SLC5A11: variants seen among roughly 807,000 people sequenced by gnomAD.
The protein encoded by SLC5A11 is sodium/myo-inositol cotransporter 2.
In SLC5A11, 48 loss-of-function variants were observed where a neutral mutation model predicts 69.8. The observed-to-expected ratio is 0.69, with a 90% confidence interval of 0.55 to 0.87. The LOEUF is 0.87. Ranked by LOEUF, SLC5A11 falls within the 40% of genes least tolerant of loss-of-function variation. The pLI is 0.00. For missense variants in SLC5A11, 784 were observed against 866.1 expected (o/e 0.91, Z 1.19); for synonymous variants, 319 against 342.4 (o/e 0.93, Z 0.75).
At chr16:24,870,056 T>C (rs1296672098) in intron 4 of SLC5A11, 51 bp downstream of exon 5, 11 of 1,317,398 alleles carry the variant, frequency 8.3e-6, no homozygotes, top group Middle Eastern at 1.8e-4. Context: ...ACCTAACAGG[T>C]AGATCTCAGG....
At chr16:24,897,866 CACA>C in intron 9 of SLC5A11, 105 bp from the exon 11 acceptor site, 1 of 1,447,976 alleles carries the variant, frequency 6.9e-7, no homozygotes, top group African/African-American at 1.4e-5. Flanking sequence ...GACTCCCTCC[CACA>C]ACATGTGGGA....
chr16:24,905,269 CAAAAAAAAA>C (rs34703027), intron 10 of SLC5A11, among the ~76,000 whole-genome samples: 8 of 80,408 alleles, frequency 9.9e-5, no homozygotes, highest in African/African-American at 4.1e-4. Flanking sequence ...ACTAAAAATA[CAAAAAAAAA>C]AAAAAAAAAA....
rs1352189733 is a variant in SLC5A11, at chr16:24,906,765, G to T, written c.1114+1G>T. The T allele has an allele frequency of 1.2e-6, 2 of 1,609,670 alleles. No individual in the cohort carries two copies. The highest frequency in any genetic ancestry group is 1.7e-5 in the Admixed American group (1 of 59,738). ...CTCGTGCTGGAACTCCTGCCCACAG[G>T]TAATGTCCCTTCACTCCTGAATCAA... On this transcript the variant is annotated splice_donor_variant, in intron 11 of 15. Transcript: ENST00000347898. LOFTEE classifies it high-confidence loss of function.
At chr16:24,881,763 C>T (rs1270182502) in intron 7 of SLC5A11, among the ~76,000 whole-genome samples, 2 of 152,032 alleles carry the variant, frequency 1.3e-5, no homozygotes, top group Non-Finnish European at 2.9e-5. Context: ...TAGGCTGTGC[C>T]CTATTCCACT....
At chr16:24,870,442 A>AACCACAC (rs1555523057) in intron 4 of SLC5A11, among the ~76,000 whole-genome samples, 2 of 140,556 alleles carry the variant, frequency 1.4e-5, no homozygotes, top group African/African-American at 5.3e-5. Flanking sequence ...AACAAAAAAA[A>AACCACAC]ACACACACAC....
At chr16:24,908,561 G>A (rs934925334) in intron 13 of SLC5A11, among the ~76,000 whole-genome samples, 6 of 127,316 alleles carry the variant, frequency 4.7e-5, no homozygotes, top group Non-Finnish European at 9.3e-5. Flanking sequence ...CCACGCCACT[G>A]CACTCCAGCC....
chr16:24,889,931 T>G (rs369667698), intron 8 of SLC5A11, among the ~76,000 whole-genome samples: 49 of 152,292 alleles, frequency 3.2e-4, no homozygotes, highest in African/African-American at 1.1e-3. Context: ...TTGATTTCTT[T>G]GCAATCCTAT....
At chr16:24,870,442 A>ACCAC (rs71156449) in intron 4 of SLC5A11, among the ~76,000 whole-genome samples, 4,182 of 140,574 alleles carry the variant, frequency 0.03, 212 homozygotes, top group African/African-American at 0.1. Context: ...AACAAAAAAA[A>ACCAC]ACACACACAC....
intron 10 of SLC5A11, among the ~76,000 whole-genome samples, chr16:24,903,439 A>G (rs1028887494): frequency 6.6e-6 from 1 of 152,162 alleles, no homozygotes; most frequent in African/African-American, 2.4e-5. Context: ...ATAGAACACT[A>G]CACATTATTC....
At chr16:24,908,029 C>T (rs751931480) in exon 13 of SLC5A11, 13 of 1,613,596 alleles carry the variant, frequency 8.1e-6, no homozygotes, top group Admixed American at 5.0e-5. Context: ...CCAGCCAGGG[C>T]GGCCAGCTCT....
chr16:24,904,327 A>G (rs1452064490), intron 10 of SLC5A11, among the ~76,000 whole-genome samples: 1 of 152,212 alleles, frequency 6.6e-6, no homozygotes, highest in Non-Finnish European at 1.5e-5. Context: ...AGGAACCTCC[A>G]TAGTTTTCCA....
At chr16:24,858,561 A>C in intron 1 of SLC5A11, 59 bp from the exon 3 acceptor site, 1 of 1,492,610 alleles carries the variant, frequency 6.7e-7, no homozygotes, top group Non-Finnish European at 9.0e-7. Context: ...GTAGCTACAG[A>C]AAGGGTGAGA....
intron 7 of SLC5A11, among the ~76,000 whole-genome samples, chr16:24,882,069 C>T (rs2048084566): frequency 6.6e-6 from 1 of 152,148 alleles, no homozygotes. Context: ...GGAGGGCAGG[C>T]TGCCATAGCT....
chr16:24,896,087 C>T (rs2049145333), intron 9 of SLC5A11, among the ~76,000 whole-genome samples: 1 of 146,768 alleles, frequency 6.8e-6, no homozygotes, highest in Non-Finnish European at 1.5e-5. Flanking sequence ...GGCGTGGTGG[C>T]TCACGCCTAT....
chr16:24,856,373 C>T (rs1231563184), intron 1 of SLC5A11, among the ~76,000 whole-genome samples: 1 of 151,960 alleles, frequency 6.6e-6, no homozygotes, highest in Non-Finnish European at 1.5e-5. Context: ...CTGGTAATCC[C>T]AGCACTTTGG....
At chr16:24,894,744 GA>G (rs1375974584) in intron 9 of SLC5A11, among the ~76,000 whole-genome samples, 2 of 151,806 alleles carry the variant, frequency 1.3e-5, no homozygotes, top group East Asian at 3.9e-4. Flanking sequence ...AGCTTGCAGT[GA>G]ACCCGGATCG....
chr16:24,879,736 C>A (rs549876475), intron 7 of SLC5A11, among the ~76,000 whole-genome samples: 61 of 152,276 alleles, frequency 4.0e-4, no homozygotes, highest in African/African-American at 1.5e-3. Context: ...CAGAGCAAGA[C>A]CCCATCTCAA....
intron 1 of SLC5A11, among the ~76,000 whole-genome samples, chr16:24,851,343 T>C (rs1392202033): frequency 6.6e-6 from 1 of 150,598 alleles, no homozygotes; most frequent in African/African-American, 2.4e-5. Context: ...TGAAACCCCA[T>C]GTCTACTAAA....
chr16:24,891,584 A>G (rs2048814298), intron 9 of SLC5A11, among the ~76,000 whole-genome samples: 1 of 152,088 alleles, frequency 6.6e-6, no homozygotes, highest in Admixed American at 6.6e-5. Context: ...TCAGCCTCCC[A>G]AAGTGCTGGG....
Sources: allele counts gnomAD v4.1 joint callset (sites outside exome capture counted in the v4.1 genomes callset), GRCh38; gene constraint gnomAD v4.1.1; transcripts MANE v1.5; gene names NCBI Gene and HGNC (gene_info 2026-07-23, HGNC 2026-07-21).